Variants in SCHIP1 observed in about 807,000 individuals in gnomAD.
SCHIP1 encodes the protein schwannomin interacting protein 1, also known as schwannomin-interacting protein 1.
Under a neutral mutation model 29.7 loss-of-function variants are expected in SCHIP1, and 8 were observed. The ratio of observed to expected loss-of-function variants is 0.27; its 90% CI spans 0.16 to 0.49. The LOEUF (loss-of-function observed/expected upper bound fraction) is 0.49. SCHIP1 is among the 20% of genes least tolerant of loss of function. The pLI is 0.99. For missense variants in SCHIP1, 193 were observed against 294.6 expected, an observed-to-expected ratio of 0.66 and a Z score of 2.52; for synonymous variants, 76 against 94.9, an observed-to-expected ratio of 0.80 and a Z score of 1.16.
At chr3:159,779,900 A>G in the SCHIP1 span, among the ~76,000 whole-genome samples, 1 of 152,144 alleles carries the variant, frequency 6.6e-6, no homozygotes, top group Non-Finnish European at 1.5e-5. Flanking sequence ...CTTGAAGTTC[A>G]TTACATGCTG....
chr3:159,623,400 C>T, the SCHIP1 span, among the ~76,000 whole-genome samples: 11 of 152,032 alleles, frequency 7.2e-5, no homozygotes, highest in Admixed American at 5.2e-4. Context: ...CTGAGGGAGG[C>T]GGATCACCTG....
the SCHIP1 span, among the ~76,000 whole-genome samples, chr3:159,373,328 T>A: frequency 1.3e-5 from 2 of 151,630 alleles, no homozygotes; most frequent in Admixed American, 6.6e-5. Context: ...ATAGTATGTA[T>A]TTACGGGATA....
chr3:159,878,305 C>G (rs1019708179), intron 2 of SCHIP1, among the ~76,000 whole-genome samples: 5 of 151,796 alleles, frequency 3.3e-5, no homozygotes, highest in African/African-American at 1.2e-4. Flanking sequence ...TGGTGAAACC[C>G]TGTCTCTACT....
chr3:159,510,886 G>A, the SCHIP1 span, among the ~76,000 whole-genome samples: 1 of 152,210 alleles, frequency 6.6e-6, no homozygotes, highest in Non-Finnish European at 1.5e-5. Flanking sequence ...CTACTTGGGG[G>A]TGCCTCCCAG....
chr3:159,687,912 C>G, the SCHIP1 span, among the ~76,000 whole-genome samples: 1 of 152,154 alleles, frequency 6.6e-6, no homozygotes, highest in East Asian at 1.9e-4. Context: ...CATCCATGTC[C>G]CTGCAAAGGA....
At chr3:159,711,202 A>AT in the SCHIP1 span, among the ~76,000 whole-genome samples, 180 of 127,462 alleles carry the variant, frequency 1.4e-3, 12 homozygotes, top group Middle Eastern at 8.0e-3. Context: ...TCTTTAAGAA[A>AT]TTTAAAAAAT....
At chr3:159,518,313 G>T in the SCHIP1 span, among the ~76,000 whole-genome samples, 1 of 152,086 alleles carries the variant, frequency 6.6e-6, no homozygotes, top group Non-Finnish European at 1.5e-5. Context: ...GAAGAATGGG[G>T]TTTGGGGAGG....
the SCHIP1 span, among the ~76,000 whole-genome samples, chr3:159,757,544 G>A: frequency 6.6e-6 from 1 of 152,164 alleles, no homozygotes; most frequent in Non-Finnish European, 1.5e-5. Flanking sequence ...TGACTTTAAT[G>A]ACTCAGACCT....
At chr3:159,486,447 G>C in the SCHIP1 span, among the ~76,000 whole-genome samples, 1 of 152,118 alleles carries the variant, frequency 6.6e-6, no homozygotes, top group African/African-American at 2.4e-5. Flanking sequence ...GTTCATCCAT[G>C]TTGTCACAAA....
At chr3:159,646,713 A>T in the SCHIP1 span, among the ~76,000 whole-genome samples, 40 of 152,256 alleles carry the variant, frequency 2.6e-4, no homozygotes, top group Middle Eastern at 3.4e-3. Context: ...GCTAATAGCT[A>T]ACAATAGGAC....
the SCHIP1 span, among the ~76,000 whole-genome samples, chr3:159,484,977 T>C: frequency 1.3e-5 from 2 of 152,348 alleles, no homozygotes; most frequent in African/African-American, 4.8e-5. Flanking sequence ...AGGACATGGA[T>C]AGTAATTTCA....
At chr3:159,340,199 TA>T in the SCHIP1 span, among the ~76,000 whole-genome samples, 1 of 152,058 alleles carries the variant, frequency 6.6e-6, no homozygotes, top group Non-Finnish European at 1.5e-5. Context: ...TGTATATAAA[TA>T]AGTTTTCTAG....
At chr3:159,396,760 C>A in the SCHIP1 span, among the ~76,000 whole-genome samples, 209 of 151,764 alleles carry the variant, frequency 1.4e-3, no homozygotes, top group African/African-American at 4.6e-3. Flanking sequence ...AACATTTTTT[C>A]CTTCATTTCA....
At chr3:159,293,785 A>G in the SCHIP1 span, among the ~76,000 whole-genome samples, 1 of 152,192 alleles carries the variant, frequency 6.6e-6, no homozygotes, top group Non-Finnish European at 1.5e-5. Flanking sequence ...CTCAATAGTT[A>G]TAGGGCAAAA....
At chr3:159,569,079 A>AT in the SCHIP1 span, among the ~76,000 whole-genome samples, 1 of 151,946 alleles carries the variant, frequency 6.6e-6, no homozygotes, top group African/African-American at 2.4e-5. Context: ...ATTGTTTTGC[A>AT]TTTTTTCCTT....
chr3:159,530,036 G>A, the SCHIP1 span, among the ~76,000 whole-genome samples: 18 of 152,272 alleles, frequency 1.2e-4, no homozygotes, highest in African/African-American at 3.8e-4. Flanking sequence ...CTTGGCTATC[G>A]TGAAGAGTGC....
chr3:159,662,985 A>G, the SCHIP1 span, among the ~76,000 whole-genome samples: 1 of 152,238 alleles, frequency 6.6e-6, no homozygotes, highest in Non-Finnish European at 1.5e-5. Flanking sequence ...TGCCATCAAC[A>G]GCATTGGAGC....
At chr3:159,795,805 G>T in the SCHIP1 span, among the ~76,000 whole-genome samples, 2 of 152,190 alleles carry the variant, frequency 1.3e-5, no homozygotes, top group African/African-American at 4.8e-5. Context: ...AGAGCAGTTT[G>T]CTCTGGGGAC....
the SCHIP1 span, among the ~76,000 whole-genome samples, chr3:159,311,063 C>G: frequency 4.6e-5 from 7 of 152,176 alleles, no homozygotes; most frequent in Middle Eastern, 0.01. Flanking sequence ...GCACATTCCC[C>G]CACTTCCATG....
Sources: gnomAD v4.1 joint callset for allele counts (sites outside exome capture counted in the v4.1 genomes callset) on GRCh38, gnomAD v4.1.1 for gene constraint, MANE v1.5 for transcripts, NCBI Gene and HGNC (gene_info 2026-07-23, HGNC 2026-07-21) for gene names.